Variants in LURAP1 observed in about 807,000 individuals in gnomAD.
LURAP1 encodes the protein NF-kappa-B activator C1orf190.
In LURAP1, 14 loss-of-function variants were observed where a neutral mutation model predicts 19.0. The ratio of observed to expected loss-of-function variants is 0.74; its 90% CI spans 0.49 to 1.15. LURAP1 has a LOEUF of 1.15. LURAP1 is among the 50% of genes most tolerant of loss of function. The pLI, the probability that LURAP1 is intolerant of heterozygous loss-of-function variation, is 0.00. For missense variants in LURAP1, 273 were observed against 309.1 expected (o/e 0.88, Z 0.87); for synonymous variants, 129 against 131.8 (o/e 0.98, Z 0.14).
In LURAP1 at chr1:46,215,642, T is replaced by C. The variant is rs10047046; in HGVS notation, c.199-4057T>C. The stretch of plus-strand genomic sequence containing the variant: ...GGCTGGGTGCCATGGCACATGCCTC[T>C]AATCCCAGCACTCTGGGAGGCCAAG... On this transcript the variant is annotated intron_variant, in intron 1 of 1. Coordinates refer to ENST00000371980, the MANE Select transcript of LURAP1 (RefSeq NM_001013615.3). Among the ~76,000 whole-genome samples, 1,051 of 152,336 alleles carry C rather than the reference T, an allele frequency of 6.9e-3. 16 individuals carry two copies. The highest frequency in any genetic ancestry group is 0.024 in the African/African-American group (1,000 of 41,574).
rs1157755581 is a variant in LURAP1, at chr1:46,221,193, C to G, written c.*973C>G. The stretch of plus-strand genomic sequence containing the variant: ...GTCACTCCTCCTGGCAGGAAAGTTT[C>G]TCATTGTCAGATGTTTGTGCTTCTT... On this transcript the variant is annotated 3_prime_UTR_variant, in exon 2 of 2. Transcript: ENST00000371980. The G allele has an allele frequency of 6.6e-6, 1 of 152,264 alleles. No individual in the cohort carries two copies. Among genetic ancestry groups the G allele is most frequent in the Admixed American group, 6.5e-5 (1 of 15,276 alleles). 9.4% of individuals were successfully genotyped at this position (152,264 alleles called of 1,614,324 possible).
chr1:46,217,744 C>A (rs753235317), intron 1 of LURAP1, among the ~76,000 whole-genome samples: 7 of 152,116 alleles, frequency 4.6e-5, no homozygotes, highest in Non-Finnish European at 7.4e-5. Flanking sequence ...GTAATCCCAG[C>A]TACTCAGCAG....
intron 1 of LURAP1, among the ~76,000 whole-genome samples, chr1:46,213,029 G>A (rs1021554250): frequency 1.3e-5 from 2 of 152,046 alleles, no homozygotes; most frequent in East Asian, 1.9e-4. Context: ...GCTTCCCAAA[G>A]TGCTGGGATT....
chr1:46,206,088 T>A (rs554771304), intron 1 of LURAP1, among the ~76,000 whole-genome samples: 3 of 152,228 alleles, frequency 2.0e-5, no homozygotes, highest in Admixed American at 6.5e-5. Context: ...GGCAACTTCT[T>A]CTTAGTTCTC....
intron 1 of LURAP1, among the ~76,000 whole-genome samples, chr1:46,205,063 G>A (rs1435811906): frequency 6.6e-6 from 1 of 152,158 alleles, no homozygotes; most frequent in African/African-American, 2.4e-5. Flanking sequence ...TTTGAGACCA[G>A]CCTGGGCAAC....
intron 1 of LURAP1, among the ~76,000 whole-genome samples, chr1:46,212,178 T>C (rs929420064): frequency 6.6e-6 from 1 of 152,260 alleles, no homozygotes; most frequent in Non-Finnish European, 1.5e-5. Context: ...ATTTACTGTG[T>C]TTGTGTGACC....
At chr1:46,212,014 G>A (rs142991661) in intron 1 of LURAP1, among the ~76,000 whole-genome samples, 38 of 152,070 alleles carry the variant, frequency 2.5e-4, no homozygotes, top group African/African-American at 9.2e-4. Flanking sequence ...TTCCCACCTC[G>A]ACCTCCCAAA....
At chr1:46,216,082 T>C (rs1212058301) in intron 1 of LURAP1, among the ~76,000 whole-genome samples, 3 of 130,232 alleles carry the variant, frequency 2.3e-5, no homozygotes, top group African/African-American at 8.3e-5. Context: ...GGAGTCTCGC[T>C]GTTGCCCAGG....
At chr1:46,204,621 C>T (rs1026817167) in intron 1 of LURAP1, among the ~76,000 whole-genome samples, 2 of 152,052 alleles carry the variant, frequency 1.3e-5, no homozygotes, top group African/African-American at 4.8e-5. Flanking sequence ...AGGGCTCCGA[C>T]GCCTGAGCTG....
At position 46,219,844 on chromosome 1, in the gene LURAP1, C is replaced by T. The variant is rs754199772; in HGVS notation, c.344C>T (p.Thr115Ile). Residue 115 changes from threonine to isoleucine, a missense_variant, in exon 2 of 2, where the codon ACA becomes ATA. Coordinates refer to ENST00000371980, the MANE Select transcript of LURAP1 (RefSeq NM_001013615.3). ...CTCACCAGCAGTCAATATAGCCTGA[C>T]AGGCGGGAGCCCAGGCCGCTCAAGG... is the stretch of plus-strand genomic sequence containing the variant. The part of the protein sequence containing the change: ...SSLTSSQYSL[T>I]GGSPGRSRRG... 1 of 1,614,160 alleles carries T rather than the reference C, an allele frequency of 6.2e-7. No individual in the cohort carries two copies. Among genetic ancestry groups the T allele is most frequent in the South Asian group, 1.1e-5 (1 of 91,078 alleles).
In LURAP1 at chr1:46,219,823, C is replaced by T; in HGVS notation, c.323C>T (p.Thr108Ile). Reference sequence around the variant, plus strand: ...TTGACCAGTCATTGCAGCAGCCTCACCAGCAGTCAATATAGCCTGACAGGC... The same window carrying T: ...TTGACCAGTCATTGCAGCAGCCTCATCAGCAGTCAATATAGCCTGACAGGC... The part of the protein sequence containing the change: ...GTLTSHCSSL[T>I]SSQYSLTGGS... The change falls in exon 2 of 2, where the codon ACC becomes ATC. Residue 108 changes from threonine to isoleucine, a missense_variant. Coordinates refer to ENST00000371980, the MANE Select transcript of LURAP1 (RefSeq NM_001013615.3). 6.2e-7 allele frequency: 1 copy of T among 1,614,206 alleles called. No individual in the cohort carries two copies. The highest frequency in any genetic ancestry group is 8.5e-7 in the Non-Finnish European group (1 of 1,180,046).
chr1:46,216,545 T>C (rs1375626388), intron 1 of LURAP1, among the ~76,000 whole-genome samples: 1 of 152,102 alleles, frequency 6.6e-6, no homozygotes, highest in Non-Finnish European at 1.5e-5. Flanking sequence ...TCTCACTCTG[T>C]TACCTAGGCT....
chr1:46,211,048 G>T (rs906439370), intron 1 of LURAP1, among the ~76,000 whole-genome samples: 5 of 151,366 alleles, frequency 3.3e-5, no homozygotes, highest in Non-Finnish European at 5.9e-5. Context: ...CTAGAGTGTT[G>T]GGATTACAGG....
intron 1 of LURAP1, among the ~76,000 whole-genome samples, chr1:46,211,613 A>G (rs1658898634): frequency 6.6e-6 from 1 of 152,212 alleles, no homozygotes; most frequent in Non-Finnish European, 1.5e-5. Flanking sequence ...TCGATGTCTC[A>G]TGACAAACCT....
At position 46,220,205 on chromosome 1, in the gene LURAP1, T is replaced by C. The variant is rs762177214; in HGVS notation, c.705T>C (p.Asp235=). 2 of 1,607,934 alleles carry C rather than the reference T, an allele frequency of 1.2e-6. No individual in the cohort carries two copies. The highest frequency in any genetic ancestry group is 1.7e-6 in the Non-Finnish European group (2 of 1,176,256). ...GGTTCTGGGAGCAGTGCCAGGATGA[T>C]GTGACCTTCTTGTAACAACTATTCC... ...AHWFWEQCQD[D]VTFL is the part of the protein sequence containing the mutation. The change falls in exon 2 of 2, where the codon GAT becomes GAC. Residue 235 remains aspartate (D), a synonymous_variant. Coordinates refer to ENST00000371980, the MANE Select transcript of LURAP1 (RefSeq NM_001013615.3).
At chr1:46,207,641 C>G (rs1219802688) in intron 1 of LURAP1, among the ~76,000 whole-genome samples, 1 of 151,600 alleles carries the variant, frequency 6.6e-6, no homozygotes, top group African/African-American at 2.4e-5. Flanking sequence ...TGGGTTCAGC[C>G]CATTCTCCTG....
At chr1:46,206,740 A>C (rs1658729167) in intron 1 of LURAP1, among the ~76,000 whole-genome samples, 1 of 152,204 alleles carries the variant, frequency 6.6e-6, no homozygotes, top group South Asian at 2.1e-4. Flanking sequence ...AGACCCCTGA[A>C]TCCTGGGAAC....
intron 1 of LURAP1, among the ~76,000 whole-genome samples, chr1:46,218,601 G>A (rs951469621): frequency 2.6e-5 from 4 of 152,070 alleles, no homozygotes; most frequent in African/African-American, 9.7e-5. Flanking sequence ...GTTCGGATTC[G>A]GCACTCTCTA....
intron 1 of LURAP1, among the ~76,000 whole-genome samples, chr1:46,211,518 A>C (rs994257870): frequency 6.6e-6 from 1 of 152,014 alleles, no homozygotes; most frequent in Non-Finnish European, 1.5e-5. Flanking sequence ...GACCATAGTA[A>C]TATGTAGAGC....
Sources: gnomAD v4.1 joint callset for allele counts (sites outside exome capture counted in the v4.1 genomes callset) on GRCh38, gnomAD v4.1.1 for gene constraint, MANE v1.5 for transcripts, NCBI Gene and HGNC (gene_info 2026-07-23, HGNC 2026-07-21) for gene names.